HYDIN: variants seen among roughly 807,000 people sequenced by gnomAD.
HYDIN encodes the protein axonemal central pair apparatus protein HYDIN.
HYDIN carries 132 observed loss-of-function variants against 403.9 expected under a neutral mutation model. The observed-to-expected ratio is 0.33, with a 90% confidence interval of 0.28 to 0.38. The LOEUF (loss-of-function observed/expected upper bound fraction) is 0.38. Ranked by LOEUF, HYDIN falls within the 10% of genes least tolerant of loss-of-function variation. The pLI, the probability that HYDIN is intolerant of heterozygous loss-of-function variation, is 1.00. For synonymous variants in HYDIN, 1,202 were observed against 1,891.7 expected (o/e 0.64, Z 9.46); for missense variants, 2,827 against 5,009.5 (o/e 0.56, Z 13.15).
At chr16:71,065,366 G>T (rs1197774274) in intron 15 of HYDIN, among the ~76,000 whole-genome samples, 1 of 152,124 alleles carries the variant, frequency 6.6e-6, no homozygotes, top group Non-Finnish European at 1.5e-5. Context: ...GCACTGTGAC[G>T]GGGTTGTCAC....
chr16:70,884,764 C>T (rs1249860487), intron 58 of HYDIN, among the ~76,000 whole-genome samples: 43 of 152,210 alleles, frequency 2.8e-4, no homozygotes, highest in Admixed American at 3.9e-4. Flanking sequence ...TTAGATGTCC[C>T]GGCTCTTCTC....
intron 45 of HYDIN, among the ~76,000 whole-genome samples, chr16:70,925,360 C>T (rs552279433): frequency 1.3e-5 from 2 of 152,378 alleles, no homozygotes; most frequent in African/African-American, 4.8e-5. Flanking sequence ...AGCCAGTTTT[C>T]CCAGCACCAT....
intron 10 of HYDIN, among the ~76,000 whole-genome samples, chr16:71,098,416 A>T (rs1014058014): frequency 1.3e-5 from 2 of 151,582 alleles, no homozygotes; most frequent in Non-Finnish European, 2.9e-5. Context: ...GTTAGCCAGG[A>T]TGGTCTCGAT....
intron 7 of HYDIN, among the ~76,000 whole-genome samples, chr16:71,143,684 G>A (rs2085256023): frequency 6.6e-6 from 1 of 152,176 alleles, no homozygotes; most frequent in South Asian, 2.1e-4. Flanking sequence ...GTTGATGCGG[G>A]TAAGTCTGCA....
chr16:71,101,837 TG>T (rs2083464328), intron 10 of HYDIN, among the ~76,000 whole-genome samples: 1 of 152,150 alleles, frequency 6.6e-6, no homozygotes, highest in Admixed American at 6.5e-5. Flanking sequence ...TTGCCACTCC[TG>T]GGGATATATC....
At chr16:71,219,615 A>AC (rs1428410570) in intron 1 of HYDIN, among the ~76,000 whole-genome samples, 2 of 152,184 alleles carry the variant, frequency 1.3e-5, no homozygotes, top group East Asian at 3.8e-4. Context: ...CCTCCATACC[A>AC]CCTCAAGGGA....
chr16:71,186,647 G>A, intron 2 of HYDIN, 114 bp downstream of exon 2: 1 of 807,734 alleles, frequency 1.2e-6, no homozygotes, highest in Non-Finnish European at 2.0e-6. Flanking sequence ...TAACTAAATT[G>A]ATATTAATCA....
intron 11 of HYDIN, 67 bp downstream of exon 11, chr16:71,093,750 A>G (rs1365576869): frequency 2.6e-5 from 41 of 1,560,662 alleles, no homozygotes; most frequent in Non-Finnish European, 2.8e-5. Context: ...ATAAAAACAT[A>G]TAAGATAAAA....
At position 70,920,818 on chromosome 16, in the gene HYDIN, G is replaced by A. The variant is rs746783313; in HGVS notation, c.7558C>T (p.Arg2520Cys). ...DRERERLEKE[R>C]TEKERLEREK... The stretch of plus-strand genomic sequence containing the variant: ...CTCTCCAGGCGCTCCTTCTCCGTGC[G>A]CTCCTTCTCCAGGCGCTCTCTCTCC... The change falls in exon 46 of 86, where the codon CGC (arginine) becomes TGC (cysteine). Residue 2520 changes from arginine (R) to cysteine (C), a missense_variant. Coordinates refer to ENST00000393567, the MANE Select transcript of HYDIN (RefSeq NM_001270974.2). 1.7e-4 allele frequency: 271 copies of A among 1,568,390 alleles called. 2 individuals are homozygous for A. In the East Asian group the frequency reaches 6.0e-3, roughly 35 times the overall value.
chr16:71,187,189 G>T (rs2087196233), intron 1 of HYDIN, among the ~76,000 whole-genome samples: 2 of 152,000 alleles, frequency 1.3e-5, no homozygotes, highest in South Asian at 2.1e-4. Flanking sequence ...TCTACATTTT[G>T]CCCCTTTTAT....
At chr16:70,999,032 G>T (rs965184966) in intron 23 of HYDIN, among the ~76,000 whole-genome samples, 4 of 152,202 alleles carry the variant, frequency 2.6e-5, no homozygotes, top group African/African-American at 9.7e-5. Context: ...CTGGTCACGT[G>T]TGCTAAGGTG....
At chr16:71,196,608 G>A (rs2087708252) in intron 1 of HYDIN, among the ~76,000 whole-genome samples, 1 of 152,126 alleles carries the variant, frequency 6.6e-6, no homozygotes, top group Admixed American at 6.5e-5. Context: ...ATAGGGGCTA[G>A]GTAAAATGAG....
chr16:70,955,482 A>G lies in HYDIN; in HGVS notation c.6209T>C (p.Ile2070Thr). The change falls in exon 40 of 86, where the codon ATT (isoleucine) becomes ACT (threonine). Residue 2070 changes from isoleucine to threonine, a missense_variant. Physicochemically the swap from Ile to Thr is moderately conservative, Grantham distance 89. Coordinates refer to ENST00000393567, the MANE Select transcript of HYDIN (RefSeq NM_001270974.2). Reference sequence around the variant, plus strand: ...GCTGTTGGCCACAGCTTCCAGCACAATGGAGTCGATGCTCAGGCAGGCTGC... The same window carrying G: ...GCTGTTGGCCACAGCTTCCAGCACAGTGGAGTCGATGCTCAGGCAGGCTGC... Reference protein sequence around the residue: ...YNAACLSIDSIVLEAVANSNN... With the variant: ...YNAACLSIDSTVLEAVANSNN... 1.2e-6 allele frequency: 2 copies of G among 1,608,420 alleles called. No individual in the cohort carries two copies. Among genetic ancestry groups the G allele is most frequent in the Non-Finnish European group, 1.7e-6 (2 of 1,175,276 alleles).
At chr16:71,135,940 G>A (rs1318631180) in intron 8 of HYDIN, among the ~76,000 whole-genome samples, 1 of 151,382 alleles carries the variant, frequency 6.6e-6, no homozygotes, top group Non-Finnish European at 1.5e-5. Context: ...GTTCTTCCTG[G>A]TTTCCACGGA....
chr16:71,024,427 G>A (rs1568011204), intron 21 of HYDIN, among the ~76,000 whole-genome samples: 1 of 151,430 alleles, frequency 6.6e-6, no homozygotes, highest in Non-Finnish European at 1.5e-5. Context: ...CCACATGGAC[G>A]AACAAGATCA....
In HYDIN at chr16:70,806,514, C is replaced by T. The variant is rs988476879; in HGVS notation, c.*1066G>A. 6.6e-6 allele frequency among the ~76,000 whole-genome samples: 1 copy of T among 152,164 alleles called. No individual in the cohort carries two copies. Among genetic ancestry groups the T allele is most frequent in the Admixed American group, 6.5e-5 (1 of 15,274 alleles). ...AGACTTTTTGATTCAGTCGATCTGA[C>T]ATGGGGACTGAGAGTTTGACTTTTA... On this transcript the variant is annotated 3_prime_UTR_variant, in exon 86 of 86. Coordinates refer to ENST00000393567, the MANE Select transcript of HYDIN (RefSeq NM_001270974.2).
intron 24 of HYDIN, 140 bp downstream of exon 24, chr16:70,991,930 G>A: frequency 7.0e-7 from 1 of 1,434,722 alleles, no homozygotes; most frequent in South Asian, 1.4e-5. Context: ...CTAGTCTGGG[G>A]CCTACACATA....
intron 35 of HYDIN, among the ~76,000 whole-genome samples, chr16:70,971,187 A>C (rs1273213469): frequency 6.6e-6 from 1 of 152,234 alleles, no homozygotes; most frequent in Non-Finnish European, 1.5e-5. Flanking sequence ...AAATGATACC[A>C]TCTGGAATTA....
At chr16:71,153,140 G>A (rs1372712969) in intron 6 of HYDIN, among the ~76,000 whole-genome samples, 1 of 144,200 alleles carries the variant, frequency 6.9e-6, no homozygotes, top group Non-Finnish European at 1.5e-5. Flanking sequence ...CTCAAACACT[G>A]AGATTGCTGT....
Sources: gnomAD v4.1 joint callset for allele counts (sites outside exome capture counted in the v4.1 genomes callset) on GRCh38, gnomAD v4.1.1 for gene constraint, MANE v1.5 for transcripts, NCBI Gene and HGNC (gene_info 2026-07-23, HGNC 2026-07-21) for gene names.